The following NEK11 variants were observed in gnomAD, a reference collection of about 807,000 sequenced individuals.
NEK11 encodes NIMA related kinase 11, also known as serine/threonine-protein kinase Nek11.
NEK11 carries 72 observed loss-of-function variants against 80.7 expected under a neutral mutation model. The observed-to-expected ratio is 0.89, with a 90% CI of 0.74 to 1.08. The LOEUF is 1.08. NEK11 is among the 50% of genes least tolerant of loss of function. The pLI is 0.00. For missense variants in NEK11, 764 were observed against 763.6 expected (o/e 1.00, Z -0.01); for synonymous variants, 251 against 260.7 (o/e 0.96, Z 0.36).
At chr3:131,155,632 C>A (rs2090521621) in intron 10 of NEK11, among the ~76,000 whole-genome samples, 1 of 152,186 alleles carries the variant, frequency 6.6e-6, no homozygotes, top group South Asian at 2.1e-4. Flanking sequence ...GATCTAACTT[C>A]TCTCTCCTAC....
intron 5 of NEK11, among the ~76,000 whole-genome samples, chr3:131,119,993 T>G (rs1477756481): frequency 6.6e-6 from 1 of 152,234 alleles, no homozygotes; most frequent in Non-Finnish European, 1.5e-5. Flanking sequence ...TGGTTAATAT[T>G]GTTATGTGTG....
chr3:131,314,144 T>C (rs1017689334), intron 17 of NEK11, among the ~76,000 whole-genome samples: 3 of 152,074 alleles, frequency 2.0e-5, no homozygotes, highest in Non-Finnish European at 4.4e-5. Flanking sequence ...TGTGTGTGTG[T>C]GTGTGTGTGT....
intron 17 of NEK11, among the ~76,000 whole-genome samples, chr3:131,281,475 A>G (rs1486722109): frequency 6.6e-6 from 1 of 152,126 alleles, no homozygotes; most frequent in East Asian, 1.9e-4. Context: ...CTCTGTGTAG[A>G]TGTACTATTG....
chr3:131,213,997 C>T (rs1052555333), intron 14 of NEK11, among the ~76,000 whole-genome samples: 1 of 152,142 alleles, frequency 6.6e-6, no homozygotes, highest in Non-Finnish European at 1.5e-5. Context: ...TTTCCATGCT[C>T]CTCCACCATA....
At chr3:131,202,125 A>T (rs1003001960) in intron 14 of NEK11, among the ~76,000 whole-genome samples, 15 of 152,156 alleles carry the variant, frequency 9.9e-5, no homozygotes, top group African/African-American at 3.6e-4. Context: ...CCAAGGGTCC[A>T]TTCCAAGAGG....
intron 4 of NEK11, among the ~76,000 whole-genome samples, chr3:131,103,253 T>A (rs1649676818): frequency 1.3e-5 from 2 of 152,196 alleles, no homozygotes; most frequent in South Asian, 4.1e-4. Flanking sequence ...CTTTTTGCAT[T>A]GCCAGAACTC....
At chr3:131,190,351 G>A (rs2093747797) in intron 14 of NEK11, among the ~76,000 whole-genome samples, 1 of 152,134 alleles carries the variant, frequency 6.6e-6, no homozygotes, top group Non-Finnish European at 1.5e-5. Flanking sequence ...TTGGAGGTTG[G>A]GCTGGTGGGA....
intron 3 of NEK11, among the ~76,000 whole-genome samples, chr3:131,038,853 C>T (rs550422537): frequency 5.9e-4 from 90 of 152,170 alleles, no homozygotes; most frequent in Admixed American, 2.3e-3. Context: ...ATGTGTTGTT[C>T]TGGTGGATTT....
intron 14 of NEK11, among the ~76,000 whole-genome samples, chr3:131,176,087 T>C (rs1267753645): frequency 6.6e-6 from 1 of 152,182 alleles, no homozygotes; most frequent in Non-Finnish European, 1.5e-5. Context: ...TTTTAGCTCC[T>C]CTCTCTTCAG....
At chr3:131,206,596 CA>C (rs1446845340) in intron 14 of NEK11, among the ~76,000 whole-genome samples, 1 of 152,086 alleles carries the variant, frequency 6.6e-6, no homozygotes, top group South Asian at 2.1e-4. Context: ...AAGTAAGAAA[CA>C]ATAAAAATAT....
chr3:131,042,116 A>G (rs1826527), intron 3 of NEK11, among the ~76,000 whole-genome samples: 138,464 of 152,266 alleles, frequency 0.91, 63,494 homozygotes, highest in Non-Finnish European at 0.95. Context: ...AGGAGATTCC[A>G]TCAGGGGCCT....
At chr3:131,342,660 T>C (rs1446733843) in intron 17 of NEK11, among the ~76,000 whole-genome samples, 1 of 151,970 alleles carries the variant, frequency 6.6e-6, no homozygotes, top group Non-Finnish European at 1.5e-5. Context: ...AGAAATAGGA[T>C]TGCTATGCAA....
intron 14 of NEK11, among the ~76,000 whole-genome samples, chr3:131,200,404 CTCT>C (rs890048600): frequency 3.3e-5 from 5 of 152,120 alleles, no homozygotes; most frequent in Admixed American, 3.3e-4. Context: ...AAATTGATGC[CTCT>C]TCTTTGGAAA....
At chr3:131,283,796 AT>A (rs1041591354) in intron 17 of NEK11, among the ~76,000 whole-genome samples, 1 of 152,198 alleles carries the variant, frequency 6.6e-6, no homozygotes, top group Non-Finnish European at 1.5e-5. Flanking sequence ...CAGCATTTCA[AT>A]TTCAAAACAA....
chr3:131,035,390 A>G (rs1184464174), intron 3 of NEK11, among the ~76,000 whole-genome samples: 1 of 152,204 alleles, frequency 6.6e-6, no homozygotes, highest in Admixed American at 6.5e-5. Context: ...CCAAAAGCCA[A>G]AAAAGTCTGG....
chr3:131,273,878 A>G (rs547761430), intron 17 of NEK11, among the ~76,000 whole-genome samples: 1 of 152,332 alleles, frequency 6.6e-6, no homozygotes, highest in East Asian at 1.9e-4. Context: ...AAAATGCTGA[A>G]AATTATTTCC....
chr3:131,295,544 T>C (rs1193950593), intron 17 of NEK11, among the ~76,000 whole-genome samples: 1 of 152,236 alleles, frequency 6.6e-6, no homozygotes. Context: ...AATTTTGTTA[T>C]GTGTAATTTT....
intron 17 of NEK11, among the ~76,000 whole-genome samples, chr3:131,317,757 C>T (rs542353368): frequency 2.3e-3 from 128 of 54,798 alleles, no homozygotes; most frequent in African/African-American, 8.8e-3. Flanking sequence ...TCTCTACCCC[C>T]ACCCAAGAAG....
chr3:131,070,437 G>A (rs537775285), intron 3 of NEK11, among the ~76,000 whole-genome samples: 1 of 152,230 alleles, frequency 6.6e-6, no homozygotes, highest in Non-Finnish European at 1.5e-5. Flanking sequence ...AGTAAGTCCT[G>A]AGAAACACTG....
Sources: allele counts gnomAD v4.1 joint callset (sites outside exome capture counted in the v4.1 genomes callset), GRCh38; gene constraint gnomAD v4.1.1; transcripts MANE v1.5; gene names NCBI Gene and HGNC (gene_info 2026-07-23, HGNC 2026-07-21).